ATXN1: variants seen among roughly 807,000 people sequenced by gnomAD.
The protein encoded by ATXN1 is ataxin-1.
In ATXN1, 8 loss-of-function variants were observed where a neutral mutation model predicts 56.4. That is an observed-to-expected ratio of 0.14 (90% CI 0.08 to 0.26). The LOEUF (loss-of-function observed/expected upper bound fraction) is 0.26. ATXN1 is among the 10% of genes least tolerant of loss of function. The pLI, the probability that ATXN1 is intolerant of heterozygous loss-of-function variation, is 1.00. For synonymous variants in ATXN1, 514 were observed against 494.6 expected, an observed-to-expected ratio of 1.04 and a Z score of -0.52; for missense variants, 987 against 1,106.5, an observed-to-expected ratio of 0.89 and a Z score of 1.53.
At chr6:16,496,116 T>C (rs1195664762) in intron 5 of ATXN1, among the ~76,000 whole-genome samples, 1 of 152,224 alleles carries the variant, frequency 6.6e-6, no homozygotes, top group Non-Finnish European at 1.5e-5. Context: ...CCTTTTTTAA[T>C]ACTATTCCGA....
intron 7 of ATXN1, among the ~76,000 whole-genome samples, chr6:16,322,984 A>G (rs1344835746): frequency 6.6e-6 from 1 of 152,204 alleles, no homozygotes; most frequent in African/African-American, 2.4e-5. Context: ...CCTTCCCGGC[A>G]TGCAGCATAG....
chr6:16,631,248 C>A (rs1763498808), intron 3 of ATXN1, among the ~76,000 whole-genome samples: 1 of 152,192 alleles, frequency 6.6e-6, no homozygotes, highest in African/African-American at 2.4e-5. Flanking sequence ...CATGCCCACT[C>A]TCCTTCCACT....
intron 2 of ATXN1, among the ~76,000 whole-genome samples, chr6:16,726,872 G>T (rs1006976759): frequency 6.6e-6 from 1 of 152,054 alleles, no homozygotes; most frequent in Non-Finnish European, 1.5e-5. Context: ...AAAAAACAAA[G>T]AATAATTTCT....
chr6:16,678,695 A>G (rs1467053736), intron 2 of ATXN1, among the ~76,000 whole-genome samples: 1 of 152,252 alleles, frequency 6.6e-6, no homozygotes, highest in Admixed American at 6.5e-5. Flanking sequence ...ACCAAAAAAA[A>G]TGTTTAAGTT....
intron 3 of ATXN1, among the ~76,000 whole-genome samples, chr6:16,632,981 G>C (rs1370670235): frequency 7.4e-6 from 1 of 134,982 alleles, no homozygotes; most frequent in Non-Finnish European, 1.6e-5. Context: ...TGGGCAACAA[G>C]AGCAAAACTC....
chr6:16,554,859 G>C (rs1761983832), intron 4 of ATXN1, among the ~76,000 whole-genome samples: 1 of 152,234 alleles, frequency 6.6e-6, no homozygotes, highest in Non-Finnish European at 1.5e-5. Context: ...CCAAAGTGCT[G>C]AGATTACAAG....
At chr6:16,680,092 C>A (rs1286004898) in intron 2 of ATXN1, among the ~76,000 whole-genome samples, 1 of 152,160 alleles carries the variant, frequency 6.6e-6, no homozygotes, top group African/African-American at 2.4e-5. Context: ...TTTTCACTGT[C>A]TTGAAGTCTT....
At chr6:16,318,579 C>G (rs1030932889) in intron 7 of ATXN1, among the ~76,000 whole-genome samples, 1 of 152,182 alleles carries the variant, frequency 6.6e-6, no homozygotes, top group Non-Finnish European at 1.5e-5. Context: ...ACAGTCAAAA[C>G]GCTTTGGCTG....
intron 6 of ATXN1, among the ~76,000 whole-genome samples, chr6:16,400,793 G>A (rs992639022): frequency 3.2e-4 from 48 of 152,254 alleles, no homozygotes; most frequent in African/African-American, 8.7e-4. Flanking sequence ...AAGGAGCTTC[G>A]GGAATTACAA....
intron 2 of ATXN1, among the ~76,000 whole-genome samples, chr6:16,702,660 C>G (rs534443557): frequency 6.6e-6 from 1 of 152,158 alleles, no homozygotes; most frequent in African/African-American, 2.4e-5. Flanking sequence ...ACAACCCCAT[C>G]AAAAAGTGGG....
intron 2 of ATXN1, among the ~76,000 whole-genome samples, chr6:16,680,928 G>A (rs976759721): frequency 2.0e-5 from 3 of 152,130 alleles, no homozygotes; most frequent in African/African-American, 7.2e-5. Flanking sequence ...ATCTACGAGA[G>A]GTTAGCCTCT....
intron 6 of ATXN1, among the ~76,000 whole-genome samples, chr6:16,348,390 C>T (rs1029183006): frequency 1.3e-5 from 2 of 152,096 alleles, no homozygotes; most frequent in East Asian, 3.8e-4. Context: ...GCTTTGATTT[C>T]CTCTTTAAGA....
At chr6:16,753,458 A>G in intron 1 of ATXN1, 111 bp from the exon 2 acceptor site, 2 of 415,300 alleles carry the variant, frequency 4.8e-6, no homozygotes, top group Non-Finnish European at 4.9e-6. Flanking sequence ...ACAAATTTTA[A>G]GAACATCACA....
rs1336465991 is a variant in ATXN1 at position 16,454,343 on chromosome 6, T to C, written c.-161+31629A>G. ...CCATATTGTGCCAGTGCTTGGGGCT[T>C]GCACTTGCTCTCTCTAAAGGAACTA... On this transcript the variant is annotated intron_variant, in intron 6 of 7. Transcript: ENST00000436367. Among the ~76,000 whole-genome samples, 6 of 152,116 alleles carry C rather than the reference T, an allele frequency of 3.9e-5. No homozygotes were observed. In the East Asian group the frequency reaches 1.2e-3, roughly 29 times the overall value.
At chr6:16,419,703 G>A (rs1758991926) in intron 6 of ATXN1, among the ~76,000 whole-genome samples, 1 of 152,090 alleles carries the variant, frequency 6.6e-6, no homozygotes, top group African/African-American at 2.4e-5. Flanking sequence ...AGTGTACAGG[G>A]GACACTGCTA....
chr6:16,728,565 C>G (rs1467237672), intron 2 of ATXN1, among the ~76,000 whole-genome samples: 2 of 152,158 alleles, frequency 1.3e-5, no homozygotes, highest in Admixed American at 1.3e-4. Context: ...GTATTTTGCC[C>G]TAAATGCTAC....
intron 6 of ATXN1, among the ~76,000 whole-genome samples, chr6:16,478,599 T>C (rs1370333089): frequency 1.3e-5 from 2 of 152,230 alleles, no homozygotes. Flanking sequence ...GAATAATCTT[T>C]GTGCCCAGTT....
At chr6:16,466,228 T>C (rs1760102283) in intron 6 of ATXN1, among the ~76,000 whole-genome samples, 1 of 146,184 alleles carries the variant, frequency 6.8e-6, no homozygotes. Context: ...GGCAGGAGAA[T>C]CGCTTGTACC....
At chr6:16,646,521 T>C (rs1763800587) in intron 3 of ATXN1, among the ~76,000 whole-genome samples, 1 of 152,194 alleles carries the variant, frequency 6.6e-6, no homozygotes, top group Admixed American at 6.5e-5. Context: ...CAGACTATCT[T>C]CCTCCCAGTC....
Sources: allele counts gnomAD v4.1 joint callset (sites outside exome capture counted in the v4.1 genomes callset), GRCh38; gene constraint gnomAD v4.1.1; transcripts MANE v1.5; gene names NCBI Gene and HGNC (gene_info 2026-07-23, HGNC 2026-07-21).